Variants in PKN2 observed in about 807,000 individuals in gnomAD.
PKN2 encodes the protein serine/threonine-protein kinase N2.
A neutral mutation model predicts 119.1 loss-of-function variants in PKN2; 38 were observed. That is an observed-to-expected ratio of 0.32 (90% CI 0.25 to 0.42). PKN2 has a LOEUF of 0.42. Ranked by LOEUF, PKN2 falls within the 10% of genes least tolerant of loss-of-function variation. PKN2 has a pLI of 1.00. For synonymous variants in PKN2, 390 were observed against 384.9 expected, an observed-to-expected ratio of 1.01 and a Z score of -0.15; for missense variants, 850 against 1,165.1, an observed-to-expected ratio of 0.73 and a Z score of 3.94.
At chr1:88,777,943 T>C (rs1210231759) in intron 6 of PKN2, among the ~76,000 whole-genome samples, 1 of 152,146 alleles carries the variant, frequency 6.6e-6, no homozygotes, top group African/African-American at 2.4e-5. Flanking sequence ...AGAACCTGGG[T>C]CTCCACAACC....
intron 15 of PKN2, among the ~76,000 whole-genome samples, chr1:88,808,166 T>C (rs1447216359): frequency 1.3e-5 from 2 of 152,182 alleles, no homozygotes; most frequent in Non-Finnish European, 2.9e-5. Context: ...ATGGAATGGT[T>C]TAAAGTATTT....
chr1:88,770,173 C>A (rs543275668), intron 3 of PKN2, among the ~76,000 whole-genome samples, 179 bp from the exon 4 acceptor site: 8 of 152,282 alleles, frequency 5.3e-5, no homozygotes, highest in African/African-American at 1.9e-4. Context: ...AATTATCACC[C>A]TGTAAGTTTG....
intron 8 of PKN2, among the ~76,000 whole-genome samples, chr1:88,790,399 G>A (rs1670772044): frequency 1.3e-5 from 2 of 152,126 alleles, no homozygotes; most frequent in Non-Finnish European, 2.9e-5. Context: ...AAAAGTAATA[G>A]CGGTTTTGCC....
chr1:88,704,061 C>T (rs1170597664), intron 1 of PKN2, among the ~76,000 whole-genome samples: 1 of 151,954 alleles, frequency 6.6e-6, no homozygotes, highest in Non-Finnish European at 1.5e-5. Flanking sequence ...ATGCTGATAA[C>T]AACTGTGAAA....
chr1:88,708,114 T>C (rs1667071244), intron 1 of PKN2, among the ~76,000 whole-genome samples: 2 of 152,142 alleles, frequency 1.3e-5, no homozygotes, highest in Admixed American at 1.3e-4. Flanking sequence ...AAATTATTCA[T>C]TATTAAGGCT....
Position 88,826,415 on chromosome 1 carries a change from A to ATATTTTCTTTTT in PKN2, c.2419+2035_2419+2036insCTTTTTTATTTT, listed in dbSNP as rs1346632439. On this transcript the variant is annotated intron_variant, in intron 18 of 21. Transcript: ENST00000370521. Reference sequence around the variant, plus strand: ...AAGGTAGATAGTTTTTTTGGAGGAAATATTTTATTTTTTATTTTATTTTTA... The same window carrying ATATTTTCTTTTT: ...AAGGTAGATAGTTTTTTTGGAGGAAATATTTTCTTTTTTATTTTATTTTTTATTTTATTTTTA... Among the ~76,000 whole-genome samples the ATATTTTCTTTTT allele has an allele frequency of 2.9e-3, 446 of 152,136 alleles. 3 individuals are homozygous for ATATTTTCTTTTT. The highest frequency in any genetic ancestry group is 0.01 in the African/African-American group (424 of 41,528).
At chr1:88,802,811 A>G (rs1342293990) in intron 8 of PKN2, among the ~76,000 whole-genome samples, 1 of 152,216 alleles carries the variant, frequency 6.6e-6, no homozygotes, top group East Asian at 1.9e-4. Context: ...ACTTTTAACA[A>G]GTATTAATTC....
At position 88,691,016 on chromosome 1, in the gene PKN2, A is replaced by T. The variant is rs757929873; in HGVS notation, c.48+6388A>T. ...AAATTTGGAATTTATTTTTGATTAT[A>T]GAAGACATACCACACAATACATGTG... On this transcript the variant is annotated intron_variant, in intron 1 of 21. Coordinates refer to ENST00000370521, the MANE Select transcript of PKN2 (RefSeq NM_006256.4). Among the ~76,000 whole-genome samples the T allele has an allele frequency of 3.2e-4, 49 of 152,208 alleles. 1 individual carries two copies. The highest frequency in any genetic ancestry group is 3.3e-4 in the Admixed American group (5 of 15,272).
In PKN2 at chr1:88,684,463, A is replaced by C; in HGVS notation, c.-118A>C. 7 of 810,138 alleles carry C rather than the reference A, an allele frequency of 8.6e-6. No homozygotes were observed. The highest frequency in any genetic ancestry group is 3.1e-5 in the East Asian group (1 of 31,920). The allele number at this position is 810,138 out of a possible 1,614,324, so 50.2% of individuals were successfully genotyped here. A position where few individuals can be genotyped will look rare whatever the true frequency, so the allele number is the denominator to read the frequency against. On this transcript the variant is annotated 5_prime_UTR_variant, in exon 1 of 22. The change abolishes the stop of an existing upstream ORF in the 5' untranslated region. Coordinates refer to ENST00000370521, the MANE Select transcript of PKN2 (RefSeq NM_006256.4). ...AGGGGCTGCGCCTCCATGAATCCCT[A>C]GTTGTTTTTTTTTTTTTCTTTCTCT...
At chr1:88,790,774 T>C (rs1670798764) in intron 8 of PKN2, among the ~76,000 whole-genome samples, 1 of 152,182 alleles carries the variant, frequency 6.6e-6, no homozygotes, top group African/African-American at 2.4e-5. Flanking sequence ...TGTCCATTTT[T>C]AGTGTTTTCT....
intron 1 of PKN2, among the ~76,000 whole-genome samples, chr1:88,715,111 C>T (rs1172520975): frequency 1.3e-5 from 2 of 152,062 alleles, no homozygotes; most frequent in Non-Finnish European, 2.9e-5. Flanking sequence ...CCTTGCATCC[C>T]AGGGATGAAG....
At position 88,805,048 on chromosome 1, in the gene PKN2, T is replaced by C. The variant is rs117328105; in HGVS notation, c.1501+127T>C. The C allele has an allele frequency of 2.3e-3, 1,283 of 555,578 alleles. 27 individuals carry two copies. In the East Asian group the frequency reaches 0.032, roughly 14 times the overall value. The allele number at this position is 555,578 out of a possible 1,614,324, so 34.4% of individuals were successfully genotyped here. On this transcript the variant is annotated intron_variant, in intron 10 of 21. Transcript: ENST00000370521. ...GTTTATTCATTTATTTCTAACTTCT[T>C]ATTAAGGAATATTTTAAATGTATCC... is the stretch of plus-strand genomic sequence containing the variant.
chr1:88,789,129 G>T (rs977961361), intron 8 of PKN2, among the ~76,000 whole-genome samples: 1 of 152,110 alleles, frequency 6.6e-6, no homozygotes, highest in Admixed American at 6.5e-5. Flanking sequence ...GGGAAAGGAG[G>T]GAAAGAGAGT....
chr1:88,761,830 G>A (rs749040744), intron 3 of PKN2, among the ~76,000 whole-genome samples: 45 of 152,054 alleles, frequency 3.0e-4, no homozygotes, highest in Non-Finnish European at 5.0e-4. Flanking sequence ...ATTTGTTATT[G>A]GATGATAGAG....
At chr1:88,737,350 G>C (rs775456298) in intron 1 of PKN2, among the ~76,000 whole-genome samples, 8 of 152,118 alleles carry the variant, frequency 5.3e-5, no homozygotes, top group Non-Finnish European at 1.0e-4. Flanking sequence ...TGCCAGCCTG[G>C]GATCAGTGGG....
In PKN2 at chr1:88,835,116, C is replaced by G. The variant is rs1364166170; in HGVS notation, c.*1668C>G. 1 of 152,122 alleles carries G rather than the reference C, an allele frequency of 6.6e-6. No individual in the cohort carries two copies. Among genetic ancestry groups the G allele is most frequent in the African/African-American group, 2.4e-5 (1 of 41,422 alleles). 9.4% of individuals were successfully genotyped at this position (152,122 alleles called of 1,614,324 possible). A position where few individuals can be genotyped will look rare whatever the true frequency, so the allele number is the denominator to read the frequency against. ...TGTTTTAGCATCTTTTCATTGTACT[C>G]TGAGAACAATTAAAATTGTCCAGAG... On this transcript the variant is annotated 3_prime_UTR_variant, in exon 22 of 22. Coordinates refer to ENST00000370521, the MANE Select transcript of PKN2 (RefSeq NM_006256.4).
At chr1:88,717,486 GTTCGT>G (rs1667501867) in intron 1 of PKN2, among the ~76,000 whole-genome samples, 1 of 151,948 alleles carries the variant, frequency 6.6e-6, no homozygotes, top group Non-Finnish European at 1.5e-5. Context: ...TGGAGGCTTT[GTTCGT>G]TTCTTTTTAT....
At chr1:88,780,242 T>G (rs1002948622) in intron 6 of PKN2, among the ~76,000 whole-genome samples, 2 of 152,240 alleles carry the variant, frequency 1.3e-5, no homozygotes, top group African/African-American at 4.8e-5. Flanking sequence ...TATGTATTTT[T>G]TTTCAAATAG....
At chr1:88,825,556 C>A (rs1007380667) in intron 18 of PKN2, among the ~76,000 whole-genome samples, 1 of 152,184 alleles carries the variant, frequency 6.6e-6, no homozygotes, top group African/African-American at 2.4e-5. Flanking sequence ...TCTCTACTTC[C>A]CGTATGTAGT....
Sources: allele counts gnomAD v4.1 joint callset (sites outside exome capture counted in the v4.1 genomes callset), GRCh38; gene constraint gnomAD v4.1.1; transcripts MANE v1.5; gene names NCBI Gene and HGNC (gene_info 2026-07-23, HGNC 2026-07-21).